The following FOXP1 variants were observed in gnomAD, a reference collection of about 807,000 sequenced individuals.
The protein encoded by FOXP1 is forkhead box P1.
Under a neutral mutation model 98.2 loss-of-function variants are expected in FOXP1, and 15 were observed. That is an observed-to-expected ratio of 0.15 (90% confidence interval 0.10 to 0.24). FOXP1 has a LOEUF of 0.24. Ranked by LOEUF, FOXP1 falls within the 10% of genes least tolerant of loss-of-function variation. The pLI is 1.00. For missense variants in FOXP1, 633 were observed against 848.5 expected, an observed-to-expected ratio of 0.75 and a Z score of 3.15; for synonymous variants, 371 against 314.5, an observed-to-expected ratio of 1.18 and a Z score of -1.90.
intron 4 of FOXP1, among the ~76,000 whole-genome samples, chr3:71,330,720 A>G (rs1180847785): frequency 6.6e-6 from 1 of 152,266 alleles, no homozygotes; most frequent in Non-Finnish European, 1.5e-5. Context: ...CATTAAAAAT[A>G]AGGTTATGTG....
intron 3 of FOXP1, among the ~76,000 whole-genome samples, chr3:71,492,176 G>C (rs1379895254): frequency 1.3e-5 from 2 of 152,150 alleles, no homozygotes; most frequent in Non-Finnish European, 2.9e-5. Context: ...ATCAAGCCAG[G>C]CACAGTGGCT....
intron 13 of FOXP1, among the ~76,000 whole-genome samples, chr3:70,988,867 A>T (rs1341751011): frequency 6.6e-6 from 1 of 152,210 alleles, no homozygotes; most frequent in Non-Finnish European, 1.5e-5. Context: ...TTACTTCTGT[A>T]AAAGAAGTGG....
intron 5 of FOXP1, among the ~76,000 whole-genome samples, chr3:71,229,059 G>A (rs2066075931): frequency 6.6e-6 from 1 of 151,796 alleles, no homozygotes; most frequent in Admixed American, 6.6e-5. Flanking sequence ...GCCTTTTAAG[G>A]GGAAAGAGTT....
At chr3:71,052,026 T>C (rs1163322677) in intron 9 of FOXP1, among the ~76,000 whole-genome samples, 1 of 152,234 alleles carries the variant, frequency 6.6e-6, no homozygotes, top group African/African-American at 2.4e-5. Context: ...AATTACATTA[T>C]GTACAACTTG....
intron 7 of FOXP1, among the ~76,000 whole-genome samples, chr3:71,098,029 T>C (rs1310279197): frequency 6.6e-6 from 1 of 152,218 alleles, no homozygotes; most frequent in Non-Finnish European, 1.5e-5. Context: ...GCATTTAACA[T>C]TAGTTATTTG....
At chr3:71,358,739 C>T (rs4677611) in intron 4 of FOXP1, among the ~76,000 whole-genome samples, 59,636 of 152,072 alleles carry the variant, frequency 0.39, 14,505 homozygotes, top group East Asian at 0.73. Context: ...ATATGGCTTA[C>T]TGTCTGTTTT....
chr3:71,572,931 T>C (rs1314465187), intron 2 of FOXP1: 7 of 152,232 alleles, frequency 4.6e-5, no homozygotes, highest in Non-Finnish European at 7.3e-5. Context: ...AAAAGGTAAG[T>C]TGAGTTGTTC....
intron 3 of FOXP1, among the ~76,000 whole-genome samples, chr3:71,393,802 A>C (rs1398278681): frequency 6.6e-6 from 1 of 152,228 alleles, no homozygotes; most frequent in African/African-American, 2.4e-5. Flanking sequence ...ATGGCTCCTG[A>C]AAACTACTCT....
intron 3 of FOXP1, among the ~76,000 whole-genome samples, chr3:71,488,690 G>C (rs933765602): frequency 2.0e-5 from 3 of 152,150 alleles, no homozygotes; most frequent in Admixed American, 1.3e-4. Flanking sequence ...TAAACGCATC[G>C]AAAATACTTC....
intron 2 of FOXP1, among the ~76,000 whole-genome samples, chr3:71,541,605 CAAA>C (rs945381620): frequency 2.0e-5 from 3 of 152,034 alleles, no homozygotes; most frequent in African/African-American, 7.2e-5. Flanking sequence ...ACAGATACAG[CAAA>C]ATGTCACAGA....
At chr3:70,968,472 A>G (rs2107100437) in intron 19 of FOXP1, 1 of 151,936 alleles carries the variant, frequency 6.6e-6, no homozygotes, top group Admixed American at 6.6e-5. Flanking sequence ...TTTCATATCA[A>G]GCTGGCACCT....
intron 17 of FOXP1, among the ~76,000 whole-genome samples, chr3:70,974,231 G>C (rs1005646423): frequency 1.3e-5 from 2 of 151,964 alleles, no homozygotes; most frequent in Non-Finnish European, 2.9e-5. Context: ...GAAAACATTT[G>C]GCATGTCATA....
intron 3 of FOXP1, among the ~76,000 whole-genome samples, chr3:71,467,216 T>C (rs2088860255): frequency 6.6e-6 from 1 of 152,186 alleles, no homozygotes; most frequent in South Asian, 2.1e-4. Context: ...TACATATATA[T>C]ACACATACAT....
At chr3:71,581,382 T>C (rs2048154868) in intron 2 of FOXP1, 167 bp downstream of exon 2, 1 of 985,358 alleles carries the variant, frequency 1.0e-6, no homozygotes, top group South Asian at 4.7e-5. Flanking sequence ...GGAAGTCCAG[T>C]ATTTCGAAGC....
chr3:71,001,433 C>T (rs1232992498), intron 12 of FOXP1, among the ~76,000 whole-genome samples: 2 of 152,154 alleles, frequency 1.3e-5, no homozygotes, highest in South Asian at 2.1e-4. Flanking sequence ...GGAACAGGAT[C>T]GTCTGACCAC....
chr3:71,293,301 A>G (rs1229922030), intron 5 of FOXP1, among the ~76,000 whole-genome samples: 1 of 152,206 alleles, frequency 6.6e-6, no homozygotes, highest in Non-Finnish European at 1.5e-5. Context: ...CAAAAACATC[A>G]TTTAAAAAAT....
At chr3:71,412,977 T>C (rs1577369370) in intron 3 of FOXP1, among the ~76,000 whole-genome samples, 1 of 152,144 alleles carries the variant, frequency 6.6e-6, no homozygotes, top group Non-Finnish European at 1.5e-5. Flanking sequence ...GGAATTTCAG[T>C]AGGTGCTTTG....
intron 7 of FOXP1, among the ~76,000 whole-genome samples, chr3:71,058,580 T>C (rs1472729379): frequency 7.8e-6 from 1 of 128,218 alleles, no homozygotes. Flanking sequence ...ACAGAGAAAA[T>C]AGCTCCATTA....
chr3:71,176,745 A>G (rs1441176253), intron 6 of FOXP1, among the ~76,000 whole-genome samples: 1 of 7,832 alleles, frequency 1.3e-4, no homozygotes, highest in Non-Finnish European at 2.7e-4. Flanking sequence ...GGCTATCTCA[A>G]AAAAAAAAAA....
Sources: gnomAD v4.1 joint callset for allele counts (sites outside exome capture counted in the v4.1 genomes callset) on GRCh38, gnomAD v4.1.1 for gene constraint, MANE v1.5 for transcripts, NCBI Gene and HGNC (gene_info 2026-07-23, HGNC 2026-07-21) for gene names.